The following TEKT5 variants were observed in gnomAD, a reference collection of about 807,000 sequenced individuals.
The protein encoded by TEKT5 is tektin-5.
Under a neutral mutation model 48.7 loss-of-function variants are expected in TEKT5, and 52 were observed. The ratio of observed to expected loss-of-function variants is 1.07; its 90% confidence interval spans 0.86 to 1.35. The LOEUF is 1.35. Among genes scored for constraint, TEKT5 ranks in the 40% most tolerant of loss-of-function variants. The probability of loss-of-function intolerance (pLI) is 0.00; values close to 1 mark genes in which losing one functional copy is unlikely to be tolerated. For missense variants in TEKT5, 831 were observed against 641.6 expected (o/e 1.30, Z -3.19); for synonymous variants, 318 against 267.6 (o/e 1.19, Z -1.84).
intron 6 of TEKT5, among the ~76,000 whole-genome samples, chr16:10,630,604 CA>C (rs1180099495): frequency 6.6e-6 from 1 of 152,102 alleles, no homozygotes; most frequent in East Asian, 1.9e-4. Flanking sequence ...GAACTTTCTG[CA>C]AAAATGGAAA....
chr16:10,642,786 A>C (rs186337015), intron 5 of TEKT5, among the ~76,000 whole-genome samples: 1 of 152,182 alleles, frequency 6.6e-6, no homozygotes, highest in Non-Finnish European at 1.5e-5. Context: ...TAAAGTGTTG[A>C]TCTCATAGAA....
At chr16:10,646,582 G>A (rs1475473833) in intron 5 of TEKT5, among the ~76,000 whole-genome samples, 3 of 152,126 alleles carry the variant, frequency 2.0e-5, no homozygotes, top group Non-Finnish European at 2.9e-5. Flanking sequence ...CCAAGAAATT[G>A]CTTAAAACAG....
At chr16:10,690,109 A>G (rs1898942289) in intron 1 of TEKT5, 84 bp from the exon 2 acceptor site, 3 of 1,447,454 alleles carry the variant, frequency 2.1e-6, no homozygotes, top group Admixed American at 3.6e-5. Context: ...CACCCTTGCC[A>G]CAATCTGTTC....
Position 10,675,912 on chromosome 16 carries a change from G to A in TEKT5, c.1086+47C>T, listed in dbSNP as rs781276310. 6.3e-6 allele frequency: 10 copies of A among 1,587,998 alleles called. No homozygotes were observed. The Admixed American group carries it at 1.2e-4, about 19-fold the overall frequency. ...TAACACTCAGATTCACGGGAGAAGGGTGAGGGCTTGGCAGAGAAGGCAGGG... is the reference window on the plus strand; with the variant it reads ...TAACACTCAGATTCACGGGAGAAGGATGAGGGCTTGGCAGAGAAGGCAGGG... On this transcript the variant is annotated intron_variant, in intron 5 of 6. Coordinates refer to ENST00000283025, the MANE Select transcript of TEKT5 (RefSeq NM_144674.2).
chr16:10,658,556 T>A (rs1272169750), intron 5 of TEKT5, among the ~76,000 whole-genome samples: 1 of 151,750 alleles, frequency 6.6e-6, no homozygotes, highest in East Asian at 1.9e-4. Flanking sequence ...TAACGGCTGG[T>A]GATAGAAGTA....
rs926488585 is a variant in TEKT5 at position 10,635,815 on chromosome 16, C to T, written c.1190G>A (p.Cys397Tyr). ...PLKVAQTRLECRTRRPNMELC... is the reference protein window; with the variant it reads ...PLKVAQTRLEYRTRRPNMELC... Reference sequence around the variant, plus strand: ...CTCCATGTTGGGGCGCCGGGTCCGGCACTCCAGCCTTGTCTGGGCCACCTT... The same window carrying T: ...CTCCATGTTGGGGCGCCGGGTCCGGTACTCCAGCCTTGTCTGGGCCACCTT... Residue 397 changes from cysteine (C) to tyrosine (Y), a missense_variant, in exon 6 of 7, where the codon TGC (cysteine) becomes TAC (tyrosine). Cys to Tyr is a radical substitution (Grantham distance 194). Coordinates refer to ENST00000283025, the MANE Select transcript of TEKT5 (RefSeq NM_144674.2). The T allele has an allele frequency of 3.0e-5, 48 of 1,614,066 alleles. No individual in the cohort carries two copies. The highest frequency in any genetic ancestry group is 4.1e-5 in the Non-Finnish European group (48 of 1,180,048).
chr16:10,638,940 C>T (rs74007181), intron 5 of TEKT5, among the ~76,000 whole-genome samples: 3,439 of 152,288 alleles, frequency 0.023, 133 homozygotes, highest in African/African-American at 0.079. Context: ...TCAATACCGT[C>T]TACCTTTTCC....
chr16:10,640,632 G>C (rs1027744284), intron 5 of TEKT5, among the ~76,000 whole-genome samples: 2 of 151,994 alleles, frequency 1.3e-5, no homozygotes, highest in African/African-American at 4.8e-5. Flanking sequence ...TCCTGCCTCC[G>C]CCTACCCTAG....
intron 5 of TEKT5, among the ~76,000 whole-genome samples, chr16:10,662,471 AAAC>A (rs1341818890): frequency 1.3e-5 from 2 of 152,192 alleles, no homozygotes; most frequent in Non-Finnish European, 2.9e-5. Flanking sequence ...GGTTAACCAC[AAAC>A]AACTCACTTG....
chr16:10,677,129 T>C (rs1898661128), intron 4 of TEKT5, among the ~76,000 whole-genome samples: 1 of 152,182 alleles, frequency 6.6e-6, no homozygotes, highest in African/African-American at 2.4e-5. Context: ...AGTCCGGGAC[T>C]GCAGTGAGCC....
At chr16:10,633,748 G>A (rs1897872785) in intron 6 of TEKT5, among the ~76,000 whole-genome samples, 1 of 152,090 alleles carries the variant, frequency 6.6e-6, no homozygotes, top group South Asian at 2.1e-4. Flanking sequence ...GTCTTGCTGT[G>A]TTGTCCAGGC....
rs539950665 is a variant in TEKT5 at position 10,640,046 on chromosome 16, TTCC to T, written c.1087-4131_1087-4129del. On this transcript the variant is annotated intron_variant, in intron 5 of 6. Transcript: ENST00000283025. ...TCTCTTCCCCTTCTCCTTCTTTCTC[TTCC>T]TCCTCCTCCTCCTTTTTCTTTCTCC... Among the ~76,000 whole-genome samples the T allele has an allele frequency of 4.9e-4, 71 of 144,892 alleles. 1 individual carries two copies. The highest frequency in any genetic ancestry group is 1.0e-3 in the South Asian group (5 of 4,770).
intron 5 of TEKT5, among the ~76,000 whole-genome samples, chr16:10,647,313 TA>T (rs977522833): frequency 1.3e-5 from 2 of 149,360 alleles, no homozygotes; most frequent in African/African-American, 2.5e-5. Flanking sequence ...ACAAAAAATT[TA>T]AAAAAAAATA....
intron 2 of TEKT5, 28 bp downstream of exon 2, chr16:10,689,914 G>A (rs1184053599): frequency 1.9e-6 from 3 of 1,612,464 alleles, no homozygotes; most frequent in Non-Finnish European, 1.7e-6. Context: ...TCCTTCAGGG[G>A]GCTGGGCAGA....
In TEKT5 at chr16:10,627,615, G is replaced by A. The variant is rs1897770715; in HGVS notation, c.1426C>T (p.Pro476Ser). ...EKCMGMRKTFPCTPRLVGHT is the reference protein window; with the variant it reads ...EKCMGMRKTFSCTPRLVGHT ...TGGCCCACCAGGCGCGGGGTGCAGG[G>A]GAAGGTCTTACGCATGCCCATGCAC... The change falls in exon 7 of 7, where the codon CCC becomes TCC. Residue 476 changes from proline (P) to serine (S), a missense_variant. Coordinates refer to ENST00000283025, the MANE Select transcript of TEKT5 (RefSeq NM_144674.2). 1 of 1,614,196 alleles carries A rather than the reference G, an allele frequency of 6.2e-7. No individual in the cohort carries two copies. The highest frequency in any genetic ancestry group is 2.2e-5 in the East Asian group (1 of 44,876).
intron 5 of TEKT5, among the ~76,000 whole-genome samples, chr16:10,668,880 G>A (rs1187590532): frequency 6.6e-6 from 1 of 152,138 alleles, no homozygotes; most frequent in East Asian, 1.9e-4. Context: ...AATGAGGGAA[G>A]CGTGCTGTAA....
chr16:10,662,878 A>C (rs1898398157), intron 5 of TEKT5, among the ~76,000 whole-genome samples: 1 of 152,206 alleles, frequency 6.6e-6, no homozygotes, highest in African/African-American at 2.4e-5. Context: ...AGGGAAAGAT[A>C]AGCTCACCTA....
intron 5 of TEKT5, among the ~76,000 whole-genome samples, chr16:10,644,607 G>C (rs1226256379): frequency 6.6e-6 from 1 of 152,088 alleles, no homozygotes; most frequent in Non-Finnish European, 1.5e-5. Flanking sequence ...TTGTCTGCAT[G>C]AATCAGTTTG....
At chr16:10,654,057 T>C (rs755701066) in intron 5 of TEKT5, among the ~76,000 whole-genome samples, 1 of 152,070 alleles carries the variant, frequency 6.6e-6, no homozygotes, top group Non-Finnish European at 1.5e-5. Context: ...GTGGCTGTTC[T>C]ATCATTTTTT....
Sources: allele counts gnomAD v4.1 joint callset (sites outside exome capture counted in the v4.1 genomes callset), GRCh38; gene constraint gnomAD v4.1.1; transcripts MANE v1.5; gene names NCBI Gene and HGNC (gene_info 2026-07-23, HGNC 2026-07-21).